C12orf54: variants seen among roughly 807,000 people sequenced by gnomAD.
C12orf54 encodes the protein uncharacterized protein C12orf54.
C12orf54 carries 24 observed loss-of-function variants against 26.4 expected under a neutral mutation model. The observed-to-expected ratio is 0.91, with a 90% CI of 0.66 to 1.28. The LOEUF (loss-of-function observed/expected upper bound fraction) is 1.28, where lower values mean the gene tolerates loss of function less well. C12orf54 is among the 50% of genes most tolerant of loss of function. The pLI is 0.00. For missense variants in C12orf54, 154 were observed against 150.9 expected, an observed-to-expected ratio of 1.02 and a Z score of -0.11; for synonymous variants, 54 against 47.0, an observed-to-expected ratio of 1.15 and a Z score of -0.61.
chr12:48,483,472 T>C, intron 2 of C12orf54, 111 bp downstream of exon 2: 1 of 942,590 alleles, frequency 1.1e-6, no homozygotes, highest in Non-Finnish European at 1.6e-6. Flanking sequence ...ACTTGCTTCC[T>C]GGCTGAATAA....
chr12:48,485,653 G>C (rs1404198552), intron 2 of C12orf54, among the ~76,000 whole-genome samples: 2 of 152,148 alleles, frequency 1.3e-5, no homozygotes, highest in African/African-American at 4.8e-5. Context: ...GAATGAGATG[G>C]TATTTAGGAA....
upstream of C12orf54, among the ~76,000 whole-genome samples, chr12:48,479,021 CA>C (rs1202604435): frequency 6.6e-6 from 1 of 152,062 alleles, no homozygotes; most frequent in East Asian, 1.9e-4. Flanking sequence ...ACTGTATACC[CA>C]AAGGATTAAA....
Position 48,494,829 on chromosome 12 carries a change from C to G in C12orf54, c.274C>G (p.Pro92Ala). 6.2e-7 allele frequency: 1 copy of G among 1,613,926 alleles called. No homozygotes were observed. ...SIRPPDSLMT[P>A]KLRRLQFSSG... ...AAGGCCTCCAGATTCCTTGATGACCCCAAAGTTGAGAAGATTGCAGTTCAG... is the reference window on the plus strand; with the variant it reads ...AAGGCCTCCAGATTCCTTGATGACCGCAAAGTTGAGAAGATTGCAGTTCAG... The change falls in exon 8 of 9, where the codon CCA (proline) becomes GCA (alanine). Residue 92 changes from proline to alanine, a missense_variant. Physicochemically the swap from Pro to Ala is conservative, Grantham distance 27. Coordinates refer to ENST00000548364, the MANE Select transcript of C12orf54 (RefSeq NM_152319.4).
chr12:48,473,282 C>T, the C12orf54 span: 233 of 1,085,100 alleles, frequency 2.1e-4, 1 homozygote, highest in East Asian at 1.2e-3. Context: ...TGAGTGGAGA[C>T]GAGGAGGAGA....
the C12orf54 span, among the ~76,000 whole-genome samples, chr12:48,477,447 T>G: frequency 6.6e-6 from 1 of 152,156 alleles, no homozygotes; most frequent in Non-Finnish European, 1.5e-5. Context: ...AAAAAATTAA[T>G]GAATCCAGGA....
At chr12:48,483,121 C>T (rs1954217292) in intron 1 of C12orf54, 119 bp from the exon 2 acceptor site, 2 of 599,234 alleles carry the variant, frequency 3.3e-6, no homozygotes, top group South Asian at 4.0e-5. Context: ...CATGCACATG[C>T]ACACTCACCC....
At chr12:48,424,090 A>G in the C12orf54 span, among the ~76,000 whole-genome samples, 4 of 152,126 alleles carry the variant, frequency 2.6e-5, no homozygotes, top group Non-Finnish European at 5.9e-5. Context: ...CTTTTTCTGC[A>G]TCTGTTTAGA....
chr12:48,437,450 A>G, the C12orf54 span, among the ~76,000 whole-genome samples: 1 of 152,200 alleles, frequency 6.6e-6, no homozygotes, highest in Admixed American at 6.5e-5. Context: ...CACAACAAAA[A>G]AAGAAAATTT....
the C12orf54 span, among the ~76,000 whole-genome samples, chr12:48,417,571 A>T: frequency 1.6e-4 from 24 of 152,146 alleles, no homozygotes; most frequent in East Asian, 5.8e-4. Flanking sequence ...CTTTCAAAAA[A>T]TTTTTTTTAT....
chr12:48,489,948 C>T (rs572412900), intron 5 of C12orf54, among the ~76,000 whole-genome samples: 61 of 152,040 alleles, frequency 4.0e-4, no homozygotes, highest in Non-Finnish European at 7.1e-4. Flanking sequence ...TCTTGAACTC[C>T]TGACCTCAGG....
the C12orf54 span, among the ~76,000 whole-genome samples, chr12:48,449,792 T>G: frequency 2.6e-5 from 4 of 152,192 alleles, no homozygotes; most frequent in South Asian, 2.1e-4. Context: ...CATGATATGA[T>G]TTGGCTGTGT....
At chr12:48,477,499 G>A (rs561800189), upstream of C12orf54, among the ~76,000 whole-genome samples, 11 of 152,208 alleles carry the variant, frequency 7.2e-5, no homozygotes, top group African/African-American at 2.2e-4. Flanking sequence ...TAGACCTCTA[G>A]CAAGACTAAT....
the C12orf54 span, among the ~76,000 whole-genome samples, chr12:48,449,236 G>T: frequency 6.6e-6 from 1 of 152,052 alleles, no homozygotes; most frequent in Non-Finnish European, 1.5e-5. Flanking sequence ...GAGTGGGAAG[G>T]CCTGAAAGAA....
chr12:48,471,179 T>A, the C12orf54 span, among the ~76,000 whole-genome samples: 1 of 152,068 alleles, frequency 6.6e-6, no homozygotes, highest in African/African-American at 2.4e-5. Flanking sequence ...ATCCCACAAA[T>A]AAGTGAGAAC....
chr12:48,491,561 A>G (rs74090296), intron 6 of C12orf54, among the ~76,000 whole-genome samples: 7,590 of 152,164 alleles, frequency 0.05, 635 homozygotes, highest in African/African-American at 0.17. Flanking sequence ...GCTAGATATG[A>G]TTCTTGTCTG....
At chr12:48,436,085 CAAAA>C in the C12orf54 span, among the ~76,000 whole-genome samples, 1 of 151,434 alleles carries the variant, frequency 6.6e-6, no homozygotes, top group Non-Finnish European at 1.5e-5. Context: ...AAATGGAAAA[CAAAA>C]AAAGGCAAGG....
upstream of C12orf54, among the ~76,000 whole-genome samples, chr12:48,481,210 TA>T (rs66958027): frequency 0.39 from 59,430 of 150,982 alleles, 12,818 homozygotes; most frequent in African/African-American, 0.57. Flanking sequence ...GTTTTTTTTT[TA>T]AAAAAAATGA....
intron 5 of C12orf54, chr12:48,489,209 A>G (rs1485641165): frequency 3.0e-6 from 2 of 660,378 alleles, no homozygotes; most frequent in African/African-American, 1.8e-5. Flanking sequence ...TTGTCTCAGC[A>G]AGAATACTCT....
At chr12:48,469,859 C>T in the C12orf54 span, among the ~76,000 whole-genome samples, 1 of 152,168 alleles carries the variant, frequency 6.6e-6, no homozygotes, top group East Asian at 1.9e-4. Context: ...TCTCTTCCCA[C>T]TCTAGTTGTC....
Sources: gnomAD v4.1 joint callset for allele counts (sites outside exome capture counted in the v4.1 genomes callset) on GRCh38, gnomAD v4.1.1 for gene constraint, MANE v1.5 for transcripts, NCBI Gene and HGNC (gene_info 2026-07-23, HGNC 2026-07-21) for gene names.